Variants in DIS3L observed in about 807,000 individuals in gnomAD.
DIS3L encodes the protein DIS3 like exosome 3'-5' exoribonuclease, also known as DIS3-like exonuclease 1.
In DIS3L, 100 loss-of-function variants were observed where a neutral mutation model predicts 120.3. That is an observed-to-expected ratio of 0.83 (90% CI 0.71 to 0.98). The LOEUF is 0.98. DIS3L is among the 50% of genes least tolerant of loss of function. The probability of loss-of-function intolerance (pLI) is 0.00; values close to 1 mark genes in which losing one functional copy is unlikely to be tolerated. For missense variants in DIS3L, 1,196 were observed against 1,314.2 expected (o/e 0.91, Z 1.39); for synonymous variants, 426 against 470.6 (o/e 0.91, Z 1.23).
At chr15:66,313,787 G>A (rs1202299173) in intron 5 of DIS3L, among the ~76,000 whole-genome samples, 1 of 150,852 alleles carries the variant, frequency 6.6e-6, no homozygotes, top group Non-Finnish European at 1.5e-5. Context: ...ATATGTGTGT[G>A]TGTATATATA....
At chr15:66,314,579 A>G (rs1056754381) in intron 6 of DIS3L, among the ~76,000 whole-genome samples, 2 of 152,228 alleles carry the variant, frequency 1.3e-5, no homozygotes, top group African/African-American at 2.4e-5. Context: ...TCAAAGGAGC[A>G]TGGCTGGGTG....
rs754224469 is a variant in DIS3L at position 66,331,841 on chromosome 15, G to A, written c.2536-34G>A. 5 of 1,497,276 alleles carry A rather than the reference G, an allele frequency of 3.3e-6. No individual in the cohort carries two copies. The Middle Eastern group carries it at 5.3e-4, about 158-fold the overall frequency. 92.7% of individuals were successfully genotyped at this position (1,497,276 alleles called of 1,614,324 possible). On this transcript the variant is annotated intron_variant, in intron 14 of 16. Coordinates refer to ENST00000319212, the MANE Select transcript of DIS3L (RefSeq NM_001143688.3). Reference sequence around the variant, plus strand: ...CGTTTCTTTGGGGAATGCCAGGGGAGTGTTAAAATGCTTTGGAGTTGTGCT... The same window carrying A: ...CGTTTCTTTGGGGAATGCCAGGGGAATGTTAAAATGCTTTGGAGTTGTGCT...
intron 12 of DIS3L, among the ~76,000 whole-genome samples, chr15:66,328,236 C>T (rs955952197): frequency 6.6e-6 from 1 of 152,222 alleles, no homozygotes; most frequent in Non-Finnish European, 1.5e-5. Context: ...GTTAAACTTG[C>T]AAGCTCACAT....
intron 14 of DIS3L, 73 bp from the exon 15 acceptor site, chr15:66,331,798 TTGAA>T (rs778056142): frequency 1.2e-5 from 17 of 1,383,976 alleles, no homozygotes; most frequent in South Asian, 7.9e-5. Context: ...AATCTCACAT[TTGAA>T]TGAATATGAA....
rs1488192728 is a variant in DIS3L at position 66,326,374 on chromosome 15, T to G, written c.2201+10T>G. ...TCTTCATAGATACACGGTATTCCTC[T>G]TTTGAGGGGGCAGAGGAATGGAGTG... On this transcript the variant is annotated intron_variant, in intron 12 of 16. Transcript: ENST00000319212. 6.2e-7 allele frequency: 1 copy of G among 1,610,176 alleles called. No homozygotes were observed. The highest frequency in any genetic ancestry group is 1.1e-5 in the South Asian group (1 of 90,868).
intron 14 of DIS3L, 164 bp downstream of exon 14, chr15:66,329,563 G>A: frequency 7.6e-7 from 1 of 1,311,392 alleles, no homozygotes; most frequent in Non-Finnish European, 9.7e-7. Flanking sequence ...GGTAACTTGT[G>A]GATTTGGGAG....
chr15:66,312,473 T>A (rs1033822980), intron 5 of DIS3L, among the ~76,000 whole-genome samples: 1 of 152,164 alleles, frequency 6.6e-6, no homozygotes, highest in African/African-American at 2.4e-5. Flanking sequence ...GCCTGGTAAA[T>A]GCCTCCTGTC....
chr15:66,310,586 C>T (rs930409190), intron 4 of DIS3L, among the ~76,000 whole-genome samples: 1 of 152,042 alleles, frequency 6.6e-6, no homozygotes, highest in Non-Finnish European at 1.5e-5. Flanking sequence ...CTCTTGAAGA[C>T]GTAGTTCATA....
At chr15:66,321,467 T>C (rs2140387377) in intron 9 of DIS3L, among the ~76,000 whole-genome samples, 1 of 152,206 alleles carries the variant, frequency 6.6e-6, no homozygotes, top group African/African-American at 2.4e-5. Flanking sequence ...CTTTTCAGTG[T>C]TATAAAAAAA....
In DIS3L at chr15:66,315,026, C is replaced by T. The variant is rs1210898198; in HGVS notation, c.815-10C>T. On this transcript the variant is annotated splice_polypyrimidine_tract_variant and intron_variant, in intron 6 of 16. Transcript: ENST00000319212. ...CTTTATGGGTTTTTTCTGTGCTGCC[C>T]CAAACACAGATTTAGTCAGTGACAT... The T allele has an allele frequency of 6.2e-7, 1 of 1,612,612 alleles. No individual in the cohort carries two copies. Among genetic ancestry groups the T allele is most frequent in the Non-Finnish European group, 8.5e-7 (1 of 1,178,978 alleles).
At chr15:66,295,250 C>A in intron 2 of DIS3L, 109 bp downstream of exon 2, 1 of 1,051,986 alleles carries the variant, frequency 9.5e-7, no homozygotes, top group Non-Finnish European at 1.4e-6. Context: ...TCAGAAGGGA[C>A]TTTTAAAACT....
intron 2 of DIS3L, among the ~76,000 whole-genome samples, chr15:66,301,137 T>TA (rs975247884): frequency 8.6e-5 from 13 of 152,018 alleles, no homozygotes; most frequent in South Asian, 2.1e-4. Context: ...ATAAAAATAG[T>TA]AAAAAAAATC....
intron 8 of DIS3L, among the ~76,000 whole-genome samples, chr15:66,319,952 T>TAAAA (rs34195061): frequency 0.019 from 2,094 of 108,010 alleles, 29 homozygotes; most frequent in South Asian, 0.052. Flanking sequence ...CCATTTCTAC[T>TAAAA]AAAAAAAAAA....
chr15:66,317,855 AAAG>A (rs754529226), intron 7 of DIS3L, among the ~76,000 whole-genome samples: 8,273 of 118,392 alleles, frequency 0.07, 309 homozygotes, highest in Middle Eastern at 0.16. Context: ...AAAAAAAAAA[AAAG>A]AAACGAACAA....
intron 11 of DIS3L, 78 bp downstream of exon 11, chr15:66,323,663 G>A (rs2092909226): frequency 6.8e-7 from 1 of 1,471,944 alleles, no homozygotes; most frequent in Non-Finnish European, 9.5e-7. Context: ...CTGGCCTCAT[G>A]TTTCTTCTCT....
At chr15:66,310,085 T>A (rs1391917448) in intron 4 of DIS3L, among the ~76,000 whole-genome samples, 1 of 152,220 alleles carries the variant, frequency 6.6e-6, no homozygotes, top group Non-Finnish European at 1.5e-5. Context: ...TTGATATCAC[T>A]TTTTGGTGCA....
intron 9 of DIS3L, among the ~76,000 whole-genome samples, chr15:66,321,296 A>G (rs1178231865): frequency 3.3e-5 from 5 of 152,220 alleles, no homozygotes; most frequent in Non-Finnish European, 7.3e-5. Context: ...GACTATATTC[A>G]TTGTGTGCAC....
intron 2 of DIS3L, among the ~76,000 whole-genome samples, chr15:66,299,952 G>A (rs1354548900): frequency 6.6e-6 from 1 of 152,100 alleles, no homozygotes; most frequent in Non-Finnish European, 1.5e-5. Flanking sequence ...TCGGGAGACT[G>A]AGACATGAGA....
chr15:66,308,660 C>T, intron 3 of DIS3L, 49 bp from the exon 4 acceptor site: 1 of 1,575,338 alleles, frequency 6.3e-7, no homozygotes, highest in Non-Finnish European at 8.6e-7. Flanking sequence ...TGAACAAGAG[C>T]TTGTGTTTGT....
Sources: allele counts gnomAD v4.1 joint callset (sites outside exome capture counted in the v4.1 genomes callset), GRCh38; gene constraint gnomAD v4.1.1; transcripts MANE v1.5; gene names NCBI Gene and HGNC (gene_info 2026-07-23, HGNC 2026-07-21).